The following AUTS2 variants were observed in gnomAD, a reference collection of about 807,000 sequenced individuals.
AUTS2 encodes autism susceptibility gene 2 protein.
Under a neutral mutation model 112.4 loss-of-function variants are expected in AUTS2, and 17 were observed. The ratio of observed to expected loss-of-function variants is 0.15; its 90% CI spans 0.10 to 0.23. The LOEUF is 0.23. AUTS2 is among the 10% of genes least tolerant of loss of function. The pLI is 1.00. For missense variants in AUTS2, 1,510 were observed against 1,701.6 expected, an observed-to-expected ratio of 0.89 and a Z score of 1.98; for synonymous variants, 751 against 702.7, an observed-to-expected ratio of 1.07 and a Z score of -1.09.
chr7:70,737,046 C>T (rs753859766), intron 6 of AUTS2, among the ~76,000 whole-genome samples: 3 of 152,188 alleles, frequency 2.0e-5, no homozygotes, highest in Non-Finnish European at 4.4e-5. Flanking sequence ...GTGACTAAAA[C>T]GTTACTCATA....
intron 4 of AUTS2, among the ~76,000 whole-genome samples, chr7:70,321,509 A>C (rs1222478276): frequency 1.3e-5 from 2 of 152,186 alleles, no homozygotes; most frequent in East Asian, 3.8e-4. Context: ...AAGCGATTTC[A>C]TTATTGTAAA....
At chr7:70,206,733 G>A (rs1810593424) in intron 4 of AUTS2, among the ~76,000 whole-genome samples, 1 of 152,140 alleles carries the variant, frequency 6.6e-6, no homozygotes, top group Non-Finnish European at 1.5e-5. Flanking sequence ...TAGTGTTGAT[G>A]TTTCATTAGC....
intron 5 of AUTS2, among the ~76,000 whole-genome samples, chr7:70,506,544 C>T (rs1390569930): frequency 6.6e-6 from 1 of 152,204 alleles, no homozygotes; most frequent in Non-Finnish European, 1.5e-5. Flanking sequence ...TCCCACTCTC[C>T]ACCAAGACTG....
intron 2 of AUTS2, among the ~76,000 whole-genome samples, chr7:69,995,821 G>T (rs1422562304): frequency 2.0e-5 from 3 of 152,144 alleles, no homozygotes; most frequent in African/African-American, 7.2e-5. Context: ...CTGAAAGTTT[G>T]ACAGATGCAT....
intron 1 of AUTS2, among the ~76,000 whole-genome samples, chr7:69,899,029 A>C (rs963437219): frequency 2.6e-5 from 4 of 152,202 alleles, no homozygotes; most frequent in Admixed American, 6.5e-5. Context: ...CAGTGAAATC[A>C]CTTTTGATGC....
intron 2 of AUTS2, among the ~76,000 whole-genome samples, chr7:70,077,293 G>C (rs148259554): frequency 6.6e-6 from 1 of 152,166 alleles, no homozygotes; most frequent in African/African-American, 2.4e-5. Context: ...TTCTGAGAGT[G>C]CGTAAAAGGT....
intron 5 of AUTS2, among the ~76,000 whole-genome samples, chr7:70,497,298 A>G (rs1159905801): frequency 3.3e-5 from 5 of 151,424 alleles, no homozygotes; most frequent in African/African-American, 1.2e-4. Context: ...CACACGTCAC[A>G]TCAGCGTCGA....
At chr7:70,517,188 T>C (rs141187804) in intron 5 of AUTS2, among the ~76,000 whole-genome samples, 1 of 152,328 alleles carries the variant, frequency 6.6e-6, no homozygotes, top group Non-Finnish European at 1.5e-5. Context: ...CCAGATCCTC[T>C]TCAGCCTTGA....
chr7:70,162,336 C>T (rs940148796), intron 4 of AUTS2, among the ~76,000 whole-genome samples: 2 of 146,886 alleles, frequency 1.4e-5, no homozygotes, highest in Admixed American at 6.8e-5. Flanking sequence ...GTCCCAGCTA[C>T]TTGGGAGGCT....
chr7:70,295,072 G>A (rs1354221880), intron 4 of AUTS2, among the ~76,000 whole-genome samples: 1 of 152,188 alleles, frequency 6.6e-6, no homozygotes, highest in Non-Finnish European at 1.5e-5. Context: ...AAAGATGAAG[G>A]GCAGAAGTGT....
chr7:70,306,099 A>G (rs138759700), intron 4 of AUTS2, among the ~76,000 whole-genome samples: 225 of 152,354 alleles, frequency 1.5e-3, no homozygotes, highest in African/African-American at 5.0e-3. Context: ...TGGGGCATGC[A>G]AACAGACTGG....
Position 70,128,370 on chromosome 7 carries a change from A to G in AUTS2, c.625-6166A>G, listed in dbSNP as rs534343987. 3.3e-5 allele frequency among the ~76,000 whole-genome samples: 5 copies of G among 152,330 alleles called. No homozygotes were observed. The East Asian group carries it at 9.6e-4, about 29-fold the overall frequency. Reference sequence around the variant, plus strand: ...GGGAGAGACAAATCTATTAAGAAATAGCTACAATTTTTTCTAATAGAATGT... The same window carrying G: ...GGGAGAGACAAATCTATTAAGAAATGGCTACAATTTTTTCTAATAGAATGT... On this transcript the variant is annotated intron_variant, in intron 3 of 18. Coordinates refer to ENST00000342771, the MANE Select transcript of AUTS2 (RefSeq NM_015570.4).
rs973410331 is a variant in AUTS2 at position 70,305,993 on chromosome 7, GA to G, written c.661-129748del. On this transcript the variant is annotated intron_variant, in intron 4 of 18. Coordinates refer to ENST00000342771, the MANE Select transcript of AUTS2 (RefSeq NM_015570.4). ...CATGTAGGCCAAGAAATGCAAGTGG[GA>G]AAAAAAAAAACTTAAGCTGATGTCA... 5.3e-4 allele frequency among the ~76,000 whole-genome samples: 76 copies of G among 144,750 alleles called. No homozygotes were observed. The East Asian group carries it at 0.011, about 22-fold the overall frequency. 95.0% of individuals were successfully genotyped at this position (144,750 alleles called of 152,430 possible).
chr7:70,408,053 CAA>C (rs1279422141), intron 4 of AUTS2, among the ~76,000 whole-genome samples: 15 of 58,568 alleles, frequency 2.6e-4, no homozygotes, highest in Admixed American at 4.0e-4. Flanking sequence ...GACTCCATCT[CAA>C]AAAAAAAAAA....
intron 1 of AUTS2, among the ~76,000 whole-genome samples, chr7:69,749,711 CA>C (rs996949692): frequency 3.3e-5 from 5 of 152,146 alleles, no homozygotes; most frequent in Admixed American, 1.3e-4. Flanking sequence ...TTGTTTTATA[CA>C]AAAACAGTTC....
At chr7:70,061,781 CTTT>C (rs777176481) in intron 2 of AUTS2, among the ~76,000 whole-genome samples, 12 of 140,274 alleles carry the variant, frequency 8.6e-5, no homozygotes, top group Non-Finnish European at 9.4e-5. Flanking sequence ...GTTATTTCTT[CTTT>C]TTTTTTTTTT....
intron 4 of AUTS2, among the ~76,000 whole-genome samples, chr7:70,386,374 C>T (rs1236523900): frequency 2.0e-5 from 3 of 152,192 alleles, no homozygotes; most frequent in South Asian, 2.1e-4. Context: ...TATTGAAATA[C>T]GATTCACTTA....
intron 1 of AUTS2, among the ~76,000 whole-genome samples, chr7:69,655,279 G>A (rs1795473097): frequency 6.6e-6 from 1 of 152,172 alleles, no homozygotes; most frequent in Non-Finnish European, 1.5e-5. Context: ...AACACTTCAG[G>A]ATTTTGGCAG....
At chr7:70,370,065 C>CAT (rs1792769517) in intron 4 of AUTS2, among the ~76,000 whole-genome samples, 1 of 152,184 alleles carries the variant, frequency 6.6e-6, no homozygotes, top group Admixed American at 6.5e-5. Flanking sequence ...CCAAGTCAGA[C>CAT]ATAACCCTGC....
Sources: gnomAD v4.1 joint callset for allele counts (sites outside exome capture counted in the v4.1 genomes callset) on GRCh38, gnomAD v4.1.1 for gene constraint, MANE v1.5 for transcripts, NCBI Gene and HGNC (gene_info 2026-07-23, HGNC 2026-07-21) for gene names.